Variants in RFX3 observed in about 807,000 individuals in gnomAD.
The protein encoded by RFX3 is transcription factor RFX3.
In RFX3, 14 loss-of-function variants were observed where a neutral mutation model predicts 98.6. The observed-to-expected ratio is 0.14, with a 90% CI of 0.09 to 0.22. The LOEUF (loss-of-function observed/expected upper bound fraction) is 0.22. Among genes scored for constraint, RFX3 ranks in the 10% least tolerant of loss-of-function variants. The probability of loss-of-function intolerance (pLI) is 1.00; values close to 1 mark genes in which losing one functional copy is unlikely to be tolerated. For missense variants in RFX3, 639 were observed against 926.9 expected (o/e 0.69, Z 4.03); for synonymous variants, 383 against 328.4 (o/e 1.17, Z -1.80).
At chr9:3,448,427 A>G (rs946763020) in intron 1 of RFX3, among the ~76,000 whole-genome samples, 2 of 152,210 alleles carry the variant, frequency 1.3e-5, no homozygotes, top group African/African-American at 2.4e-5. Context: ...TCCATTTGCT[A>G]CATCAGCTGT....
chr9:3,442,124 C>G (rs1009328505), intron 1 of RFX3, among the ~76,000 whole-genome samples: 1 of 151,968 alleles, frequency 6.6e-6, no homozygotes, highest in East Asian at 1.9e-4. Context: ...CGCTTGAACC[C>G]GGGAGACAGA....
chr9:3,301,778 C>T (rs370178769), intron 4 of RFX3, among the ~76,000 whole-genome samples, 158 bp from the exon 5 acceptor site: 1 of 151,824 alleles, frequency 6.6e-6, no homozygotes, highest in African/African-American at 2.4e-5. Flanking sequence ...CTTCCCCACC[C>T]TCCAGAGAAC....
At chr9:3,243,548 A>G (rs78622033) in intron 15 of RFX3, among the ~76,000 whole-genome samples, 87 of 152,290 alleles carry the variant, frequency 5.7e-4, no homozygotes, top group African/African-American at 2.1e-3. Flanking sequence ...AATAGTTTGT[A>G]TGCTTGTATA....
At chr9:3,377,483 A>T (rs937916136) in intron 2 of RFX3, among the ~76,000 whole-genome samples, 1 of 152,182 alleles carries the variant, frequency 6.6e-6, no homozygotes, top group Non-Finnish European at 1.5e-5. Flanking sequence ...TATATACCTA[A>T]CATAAATGAC....
At chr9:3,261,928 A>G (rs1387854584) in intron 13 of RFX3, among the ~76,000 whole-genome samples, 5 of 152,078 alleles carry the variant, frequency 3.3e-5, no homozygotes, top group Non-Finnish European at 5.9e-5. Flanking sequence ...TAATGTGATT[A>G]TTGGCCATTT....
intron 1 of RFX3, among the ~76,000 whole-genome samples, chr9:3,419,800 T>C (rs896753514): frequency 6.6e-6 from 1 of 152,246 alleles, no homozygotes; most frequent in African/African-American, 2.4e-5. Flanking sequence ...ATGCATGGGG[T>C]ACATATGAAA....
intron 15 of RFX3, among the ~76,000 whole-genome samples, chr9:3,242,236 G>A (rs488534): frequency 0.9 from 137,438 of 152,192 alleles, 62,182 homozygotes; most frequent in East Asian, 0.97. Flanking sequence ...GTTTCAATCA[G>A]TATCAAATAA....
chr9:3,301,347 T>C (rs900319005), intron 5 of RFX3, among the ~76,000 whole-genome samples, 199 bp downstream of exon 5: 1 of 151,862 alleles, frequency 6.6e-6, no homozygotes, highest in African/African-American at 2.4e-5. Context: ...AGAAACCTAA[T>C]AAATTATACT....
At chr9:3,462,337 T>C (rs1485291108) in intron 1 of RFX3, among the ~76,000 whole-genome samples, 2 of 152,038 alleles carry the variant, frequency 1.3e-5, no homozygotes, top group African/African-American at 4.8e-5. Flanking sequence ...TAAGGTCATC[T>C]CAATTTAACA....
intron 4 of RFX3, among the ~76,000 whole-genome samples, chr9:3,305,927 C>T (rs1231050939): frequency 6.6e-6 from 1 of 152,082 alleles, no homozygotes; most frequent in Non-Finnish European, 1.5e-5. Context: ...CAGCATTTGA[C>T]ACCTAAAACA....
chr9:3,308,049 A>C (rs1829536388), intron 4 of RFX3, among the ~76,000 whole-genome samples: 2 of 152,158 alleles, frequency 1.3e-5, no homozygotes, highest in Admixed American at 1.3e-4. Flanking sequence ...ACAAAGCTTT[A>C]GGCTATGAAA....
intron 2 of RFX3, among the ~76,000 whole-genome samples, chr9:3,389,417 T>G (rs573981434): frequency 6.6e-6 from 1 of 152,110 alleles, no homozygotes; most frequent in African/African-American, 2.4e-5. Flanking sequence ...ATGGGTAATA[T>G]CAAAATTTGA....
rs1816469770 is a variant in RFX3 at position 3,504,379 on chromosome 9, T to TGCC, written c.-9+21367_-9+21368insGGC. On this transcript the variant is annotated intron_variant, in intron 1 of 16. Coordinates refer to ENST00000617270, the MANE Select transcript of RFX3 (RefSeq NM_001282116.2). ...TATTGTATATAAAATATATATTATA[T>TGCC]ACCACATAGCATATATTGTATATAA... is the stretch of plus-strand genomic sequence containing the variant. Among the ~76,000 whole-genome samples the TGCC allele has an allele frequency of 5.1e-5, 7 of 136,698 alleles. 1 individual carries two copies. The highest frequency in any genetic ancestry group is 1.7e-4 in the African/African-American group (6 of 34,928). The allele number at this position is 136,698 out of a possible 152,430, so 89.7% of individuals were successfully genotyped here. A position where few individuals can be genotyped will look rare whatever the true frequency, so the allele number is the denominator to read the frequency against.
At chr9:3,305,234 G>C (rs1246112697) in intron 4 of RFX3, among the ~76,000 whole-genome samples, 1 of 152,046 alleles carries the variant, frequency 6.6e-6, no homozygotes, top group Non-Finnish European at 1.5e-5. Context: ...AGTGGTATGA[G>C]TGAGGCTGAA....
intron 2 of RFX3, among the ~76,000 whole-genome samples, chr9:3,378,230 A>C (rs1406762998): frequency 1.3e-5 from 2 of 152,180 alleles, no homozygotes; most frequent in African/African-American, 4.8e-5. Context: ...ACTGTCGAAG[A>C]ATTGGACAGG....
intron 1 of RFX3, among the ~76,000 whole-genome samples, chr9:3,485,980 CAG>C (rs997423183): frequency 3.3e-5 from 5 of 151,714 alleles, no homozygotes; most frequent in Admixed American, 3.3e-4. Context: ...CAAAATTAGC[CAG>C]GCATGGTGGC....
intron 1 of RFX3, among the ~76,000 whole-genome samples, chr9:3,487,286 G>A (rs868388155): frequency 6.6e-6 from 1 of 152,106 alleles, no homozygotes; most frequent in African/African-American, 2.4e-5. Context: ...AAAGAATGAG[G>A]ATATTTACTA....
intron 4 of RFX3, among the ~76,000 whole-genome samples, chr9:3,319,535 A>G (rs1831015656): frequency 6.6e-6 from 1 of 152,152 alleles, no homozygotes; most frequent in Non-Finnish European, 1.5e-5. Flanking sequence ...ATCCTGCCCA[A>G]TCTTTAGGCA....
intron 1 of RFX3, among the ~76,000 whole-genome samples, chr9:3,450,307 G>A (rs1387596615): frequency 6.6e-6 from 1 of 151,894 alleles, no homozygotes; most frequent in Non-Finnish European, 1.5e-5. Context: ...TATATAACAG[G>A]GAACGTCTCT....
Sources: allele counts gnomAD v4.1 joint callset (sites outside exome capture counted in the v4.1 genomes callset), GRCh38; gene constraint gnomAD v4.1.1; transcripts MANE v1.5; gene names NCBI Gene and HGNC (gene_info 2026-07-23, HGNC 2026-07-21).